The following GLT8D2 variants were observed in gnomAD, a reference collection of about 807,000 sequenced individuals.
GLT8D2 encodes the protein glycosyltransferase 8 domain containing 2, also known as glycosyltransferase 8 domain-containing protein 2.
A neutral mutation model predicts 44.5 loss-of-function variants in GLT8D2; 45 were observed. The observed-to-expected ratio is 1.01, with a 90% CI of 0.80 to 1.30. The LOEUF (loss-of-function observed/expected upper bound fraction) is 1.30. GLT8D2 is among the 50% of genes most tolerant of loss of function. GLT8D2 has a pLI of 0.00. For missense variants in GLT8D2, 400 were observed against 430.4 expected (o/e 0.93, Z 0.62); for synonymous variants, 156 against 157.2 (o/e 0.99, Z 0.06).
intron 1 of GLT8D2, among the ~76,000 whole-genome samples, chr12:104,046,720 T>C (rs1404530576): frequency 6.6e-6 from 1 of 152,214 alleles, no homozygotes; most frequent in Non-Finnish European, 1.5e-5. Flanking sequence ...AAGGACAAGA[T>C]CAGGACTCAG....
chr12:104,051,185 A>T (rs1383983970), upstream of GLT8D2, among the ~76,000 whole-genome samples: 1 of 151,292 alleles, frequency 6.6e-6, no homozygotes, highest in East Asian at 1.9e-4. Flanking sequence ...CAGTGGCGTG[A>T]TCACAGCTCA....
intron 3 of GLT8D2, among the ~76,000 whole-genome samples, chr12:104,016,987 A>T (rs1876961749): frequency 6.6e-6 from 1 of 152,190 alleles, no homozygotes; most frequent in South Asian, 2.1e-4. Flanking sequence ...TGTTCCAGTG[A>T]TGTTGGCCCT....
At chr12:104,000,249 TA>T (rs1335584429) in intron 5 of GLT8D2, among the ~76,000 whole-genome samples, 2 of 152,076 alleles carry the variant, frequency 1.3e-5, no homozygotes, top group African/African-American at 4.8e-5. Context: ...TCATATCAAT[TA>T]AAAAAAGATA....
intron 3 of GLT8D2, among the ~76,000 whole-genome samples, chr12:104,016,770 A>AAGGAAGGAAG (rs1566199626): frequency 1.9e-4 from 13 of 67,862 alleles, no homozygotes; most frequent in African/African-American, 8.3e-4. Context: ...AAAGAAAGAA[A>AAGGAAGGAAG]GAAAGAAGGA....
Position 104,016,759 on chromosome 12 carries a change from GAAAGAAAGAAA to G in GLT8D2, c.20-1665_20-1655del, listed in dbSNP as rs1566199566. ...AGAAAGAAAGAAAGAAAGAAAGAAAGAAAGAAAGAAAGAAAGAAGGAAGGAAGGAAGGAAGG... is the reference window on the plus strand; with the variant it reads ...AGAAAGAAAGAAAGAAAGAAAGAAAGGAAAGAAGGAAGGAAGGAAGGAAGG... On this transcript the variant is annotated intron_variant, in intron 3 of 10. Transcript: ENST00000360814. Among the ~76,000 whole-genome samples, 4 of 95,888 alleles carry G rather than the reference GAAAGAAAGAAA, an allele frequency of 4.2e-5. No individual in the cohort carries two copies. The East Asian group carries it at 9.5e-4, about 23-fold the overall frequency. The allele number at this position is 95,888 out of a possible 152,430, so 62.9% of individuals were successfully genotyped here.
At chr12:104,028,898 G>A (rs747072602) in intron 1 of GLT8D2, among the ~76,000 whole-genome samples, 4 of 151,346 alleles carry the variant, frequency 2.6e-5, no homozygotes, top group Non-Finnish European at 5.9e-5. Flanking sequence ...TTCTGAAGAC[G>A]AACTGCCCTG....
At chr12:104,024,447 G>GA (rs1435550145) in intron 1 of GLT8D2, among the ~76,000 whole-genome samples, 1 of 151,944 alleles carries the variant, frequency 6.6e-6, no homozygotes, top group Non-Finnish European at 1.5e-5. Context: ...AAAAGGAAAA[G>GA]AAAAAGAAAG....
Position 104,016,809 on chromosome 12 carries a change from AAG to A in GLT8D2, c.20-1706_20-1705del, listed in dbSNP as rs1380141712. Among the ~76,000 whole-genome samples, 11 of 129,686 alleles carry A rather than the reference AAG, an allele frequency of 8.5e-5. No individual in the cohort carries two copies. The South Asian group carries it at 2.7e-3, about 32-fold the overall frequency. 85.1% of individuals were successfully genotyped at this position (129,686 alleles called of 152,430 possible). ...AAGGAAGGAAGGAAGGAAGGAAGGA[AAG>A]AAAGAAAGAGAAAGAAAAGAAAGAA... On this transcript the variant is annotated intron_variant, in intron 3 of 10. Coordinates refer to ENST00000360814, the MANE Select transcript of GLT8D2 (RefSeq NM_001384711.1).
intron 1 of GLT8D2, among the ~76,000 whole-genome samples, chr12:104,034,377 C>CT (rs1879698072): frequency 6.6e-6 from 1 of 152,276 alleles, no homozygotes; most frequent in Non-Finnish European, 1.5e-5. Flanking sequence ...GGGGATTTCC[C>CT]TTTCCTAGCC....
intron 1 of GLT8D2, among the ~76,000 whole-genome samples, chr12:104,022,378 T>C (rs1035308968): frequency 6.6e-6 from 1 of 152,186 alleles, no homozygotes; most frequent in Non-Finnish European, 1.5e-5. Flanking sequence ...AGATTTGCGA[T>C]GAGATATGCC....
intron 1 of GLT8D2, among the ~76,000 whole-genome samples, chr12:104,033,434 T>C (rs1363667723): frequency 1.3e-5 from 2 of 152,096 alleles, no homozygotes; most frequent in African/African-American, 2.4e-5. Flanking sequence ...TTCACTTATA[T>C]GAGAAATCTA....
upstream of GLT8D2, chr12:104,064,229 G>A (rs61937639): frequency 0.06 from 14,601 of 243,074 alleles, 592 homozygotes; most frequent in East Asian, 0.11. The surrounding 1 kb of genome is among the most constrained non-coding windows in gnomAD (Gnocchi z 7.3). Context: ...TAAAGTGGAC[G>A]TAAAGGAAGA....
chr12:104,060,546 A>G (rs1397167431), intron 1 of GLT8D2, among the ~76,000 whole-genome samples: 1 of 152,196 alleles, frequency 6.6e-6, no homozygotes, highest in Non-Finnish European at 1.5e-5. Flanking sequence ...CTTTATTTGG[A>G]TATGGGATCC....
At chr12:104,022,247 G>A (rs1039844282) in intron 1 of GLT8D2, among the ~76,000 whole-genome samples, 1 of 151,998 alleles carries the variant, frequency 6.6e-6, no homozygotes, top group Non-Finnish European at 1.5e-5. Flanking sequence ...ACAGTAGGAT[G>A]TTTATCTGGT....
chr12:104,002,911 C>G (rs1874419308), intron 5 of GLT8D2, among the ~76,000 whole-genome samples: 1 of 151,678 alleles, frequency 6.6e-6, no homozygotes, highest in Admixed American at 6.6e-5. Flanking sequence ...CGCCACCGCA[C>G]AATCCAGTCT....
intron 5 of GLT8D2, 88 bp downstream of exon 5, chr12:104,003,047 G>C: frequency 1.1e-6 from 1 of 930,268 alleles, no homozygotes. Flanking sequence ...AGAAAGAAAA[G>C]AAGAAGAAGA....
upstream of GLT8D2, chr12:104,064,392 ACCC>A: frequency 1.8e-6 from 1 of 554,124 alleles, no homozygotes; most frequent in East Asian, 3.5e-5. The surrounding 1 kb of genome is among the most constrained non-coding windows in gnomAD (Gnocchi z 7.3). Context: ...CCCTGTCAGG[ACCC>A]CCCTTCCCCA....
intron 1 of GLT8D2, among the ~76,000 whole-genome samples, chr12:104,029,441 T>G (rs1187061655): frequency 6.6e-6 from 1 of 152,146 alleles, no homozygotes; most frequent in Non-Finnish European, 1.5e-5. Context: ...AGTATATCAT[T>G]GATAGTAGGA....
intron 4 of GLT8D2, among the ~76,000 whole-genome samples, chr12:104,006,540 G>T (rs981540392): frequency 6.6e-6 from 1 of 152,202 alleles, no homozygotes; most frequent in Non-Finnish European, 1.5e-5. Flanking sequence ...CCATGAGGTG[G>T]CATGAAGAGA....
Sources: allele counts gnomAD v4.1 joint callset (sites outside exome capture counted in the v4.1 genomes callset), GRCh38; gene constraint gnomAD v4.1.1; non-coding constraint Gnocchi (gnomAD v3.1); transcripts MANE v1.5; gene names NCBI Gene and HGNC (gene_info 2026-07-23, HGNC 2026-07-21).